KCNAB1: variants seen among roughly 807,000 people sequenced by gnomAD.
KCNAB1 encodes voltage-gated potassium channel subunit beta-1.
A neutral mutation model predicts 64.6 loss-of-function variants in KCNAB1; 35 were observed. The observed-to-expected ratio is 0.54, with a 90% CI of 0.41 to 0.72. The LOEUF is 0.72. KCNAB1 is among the 30% of genes least tolerant of loss of function. The pLI is 0.00. For missense variants in KCNAB1, 401 were observed against 512.9 expected (o/e 0.78, Z 2.11); for synonymous variants, 177 against 183.8 (o/e 0.96, Z 0.30).
At chr3:156,478,594 G>A (rs751315085) in intron 8 of KCNAB1, among the ~76,000 whole-genome samples, 8 of 152,166 alleles carry the variant, frequency 5.3e-5, no homozygotes, top group African/African-American at 1.2e-4. Flanking sequence ...CAAGGGTCAT[G>A]TGTGTGCCCA....
chr3:156,220,851 T>A (rs1715678728), intron 1 of KCNAB1, among the ~76,000 whole-genome samples: 1 of 152,256 alleles, frequency 6.6e-6, no homozygotes, highest in Admixed American at 6.5e-5. Flanking sequence ...TGGTGTGAGG[T>A]CTTACATTTA....
intron 1 of KCNAB1, among the ~76,000 whole-genome samples, chr3:156,152,755 A>G (rs762941624): frequency 2.6e-5 from 4 of 152,226 alleles, no homozygotes; most frequent in Admixed American, 6.5e-5. Flanking sequence ...ACGGCACTCT[A>G]TAACTCAGTG....
chr3:156,400,693 C>A (rs76944347), intron 1 of KCNAB1, among the ~76,000 whole-genome samples: 2,891 of 152,274 alleles, frequency 0.019, 91 homozygotes, highest in African/African-American at 0.065. Flanking sequence ...ATATACAATG[C>A]ACTTTCTTGT....
Position 156,474,832 on chromosome 3 carries a change from A to C in KCNAB1, c.658+12A>C, listed in dbSNP as rs747042480. 1 of 1,592,358 alleles carries C rather than the reference A, an allele frequency of 6.3e-7. No homozygotes were observed. Among genetic ancestry groups the C allele is most frequent in the Admixed American group, 1.7e-5 (1 of 59,914 alleles). ...CACTCCCATGGAAGGTAAGTTAAGA[A>C]AGCTAATAAAATACTCTAGAAATCT... On this transcript the variant is annotated intron_variant, in intron 8 of 13. Transcript: ENST00000490337.
chr3:156,395,507 T>C lies in KCNAB1; in HGVS notation c.276-26109T>C, dbSNP rs530811061. ...TTGCAGTGAGCCGAGATCCCGCCAC[T>C]GCACTCCAGCCTGGGCGACAGAGCG... is the stretch of plus-strand genomic sequence containing the variant. On this transcript the variant is annotated intron_variant, in intron 1 of 13. Coordinates refer to ENST00000490337, the MANE Select transcript of KCNAB1 (RefSeq NM_172160.3). 2.1e-3 allele frequency among the ~76,000 whole-genome samples: 237 copies of C among 115,284 alleles called. 3 individuals are homozygous for C. The highest frequency in any genetic ancestry group is 7.6e-3 in the African/African-American group (229 of 30,322). 75.6% of individuals were successfully genotyped at this position (115,284 alleles called of 152,430 possible).
intron 1 of KCNAB1, among the ~76,000 whole-genome samples, chr3:156,223,877 T>C (rs1715961314): frequency 6.6e-6 from 1 of 152,188 alleles, no homozygotes; most frequent in Admixed American, 6.5e-5. Flanking sequence ...GGGGCACAGG[T>C]GAAGCTGCCT....
intron 2 of KCNAB1, among the ~76,000 whole-genome samples, chr3:156,444,260 G>A (rs1338599959): frequency 6.6e-6 from 1 of 152,188 alleles, no homozygotes; most frequent in Non-Finnish European, 1.5e-5. Context: ...TCAGAGCATT[G>A]TTTTGCCTCC....
intron 1 of KCNAB1, among the ~76,000 whole-genome samples, chr3:156,316,070 A>C (rs78361351): frequency 6.6e-6 from 1 of 152,250 alleles, no homozygotes; most frequent in Non-Finnish European, 1.5e-5. Context: ...ACTCAAAAAA[A>C]CTAGTTTACA....
chr3:156,151,027 C>T (rs935591993), intron 1 of KCNAB1, among the ~76,000 whole-genome samples: 4 of 152,174 alleles, frequency 2.6e-5, no homozygotes, highest in African/African-American at 9.7e-5. Flanking sequence ...ATCTCATCCC[C>T]TACCATCTTT....
chr3:156,502,942 ATT>A lies in KCNAB1; in HGVS notation c.659-11420_659-11419del, dbSNP rs1254969766. 3.3e-5 allele frequency among the ~76,000 whole-genome samples: 5 copies of A among 152,346 alleles called. No homozygotes were observed. In the East Asian group the frequency reaches 9.6e-4, roughly 29 times the overall value. The stretch of plus-strand genomic sequence containing the variant: ...TGTTCATTGCCTTGCTCCAGATAAA[ATT>A]TAAACTGATGGGTTTACTTTCATTT... On this transcript the variant is annotated intron_variant, in intron 8 of 13. Transcript: ENST00000490337.
chr3:156,118,341 T>C (rs1227093429), upstream of KCNAB1: 2 of 455,508 alleles, frequency 4.4e-6, no homozygotes, highest in African/African-American at 4.0e-5. Flanking sequence ...AATGTTAAGG[T>C]AATCAGGTTC....
chr3:156,381,001 A>G (rs1046695740), intron 1 of KCNAB1, among the ~76,000 whole-genome samples: 3 of 152,192 alleles, frequency 2.0e-5, no homozygotes, highest in Non-Finnish European at 4.4e-5. Context: ...CCACAAAAAA[A>G]TAAGGATGTG....
intron 7 of KCNAB1, among the ~76,000 whole-genome samples, chr3:156,470,846 G>A (rs1713832576): frequency 6.6e-6 from 1 of 152,180 alleles, no homozygotes; most frequent in Admixed American, 6.5e-5. Flanking sequence ...AAATGGATTT[G>A]CCACAGGATT....
intron 1 of KCNAB1, among the ~76,000 whole-genome samples, chr3:156,194,654 TTCAATTTTTA>T (rs1412235978): frequency 1.3e-5 from 2 of 152,198 alleles, no homozygotes; most frequent in Non-Finnish European, 2.9e-5. Context: ...CCATTATTTT[TTCAATTTTTA>T]AAATTCCCAC....
intron 1 of KCNAB1, among the ~76,000 whole-genome samples, chr3:156,412,388 G>C (rs1266379074): frequency 1.3e-5 from 2 of 152,080 alleles, no homozygotes; most frequent in Non-Finnish European, 2.9e-5. Context: ...TACTATGACA[G>C]TGAATAAGAC....
At chr3:156,460,057 T>C (rs1712783013) in intron 5 of KCNAB1, 186 bp downstream of exon 5, 5 of 519,976 alleles carry the variant, frequency 9.6e-6, no homozygotes, top group African/African-American at 2.0e-5. Flanking sequence ...CAAAAATTAC[T>C]GACTAGTCAT....
At chr3:156,415,434 AC>A (rs1167146011) in intron 1 of KCNAB1, among the ~76,000 whole-genome samples, 4 of 151,874 alleles carry the variant, frequency 2.6e-5, no homozygotes, top group African/African-American at 9.7e-5. Flanking sequence ...TCTGGTGAAC[AC>A]CATTTCTACA....
chr3:156,382,833 T>G (rs1008547308), intron 1 of KCNAB1, among the ~76,000 whole-genome samples: 7 of 152,252 alleles, frequency 4.6e-5, no homozygotes, highest in Non-Finnish European at 1.0e-4. Context: ...GCACCCTGCC[T>G]ACCTGCAATG....
At chr3:156,180,767 A>G (rs1029743946) in intron 1 of KCNAB1, among the ~76,000 whole-genome samples, 3 of 152,224 alleles carry the variant, frequency 2.0e-5, no homozygotes, top group Non-Finnish European at 4.4e-5. Flanking sequence ...AGATAGGCAA[A>G]TAAGCTAAGC....
Sources: gnomAD v4.1 joint callset for allele counts (sites outside exome capture counted in the v4.1 genomes callset) on GRCh38, gnomAD v4.1.1 for gene constraint, MANE v1.5 for transcripts, NCBI Gene and HGNC (gene_info 2026-07-23, HGNC 2026-07-21) for gene names.